RGSL1: variants seen among roughly 807,000 people sequenced by gnomAD.
RGSL1 encodes regulator of G protein signaling like 1.
In RGSL1, 97 loss-of-function variants were observed where a neutral mutation model predicts 124.7. That is an observed-to-expected ratio of 0.78 (90% CI 0.66 to 0.92). The LOEUF is 0.92. Among genes scored for constraint, RGSL1 ranks in the 40% least tolerant of loss-of-function variants. The pLI is 0.00. For missense variants in RGSL1, 1,233 were observed against 1,288.4 expected, an observed-to-expected ratio of 0.96 and a Z score of 0.66; for synonymous variants, 424 against 438.1, an observed-to-expected ratio of 0.97 and a Z score of 0.40.
intron 9 of RGSL1, among the ~76,000 whole-genome samples, chr1:182,511,651 T>C (rs910985814): frequency 3.3e-5 from 5 of 152,236 alleles, no homozygotes; most frequent in African/African-American, 4.8e-5. Context: ...TACTGTAGCT[T>C]TGTAGTAAAT....
At position 182,548,393 on chromosome 1, in the gene RGSL1, C is replaced by G; in HGVS notation, c.2746C>G (p.Arg916Gly). 6.4e-7 allele frequency: 1 copy of G among 1,551,806 alleles called. No individual in the cohort carries two copies. Among genetic ancestry groups the G allele is most frequent in the Non-Finnish European group, 8.7e-7 (1 of 1,146,988 alleles). Residue 916 changes from arginine (R) to glycine (G), a missense_variant, in exon 16 of 22, where the codon CGG (arginine) becomes GGG (glycine). Arg to Gly is a moderately radical substitution (Grantham distance 125, BLOSUM62 -2). Coordinates refer to ENST00000294854, the MANE Select transcript of RGSL1 (RefSeq NM_001137669.2). Reference sequence around the variant, plus strand: ...TAATGAGAATGATGTGATCCTAATGCGGTCCAAAATGAACATTATCCAAAA... The same window carrying G: ...TAATGAGAATGATGTGATCCTAATGGGGTCCAAAATGAACATTATCCAAAA... ...AYNENDVILM[R>G]SKMNIIQKLF...
intron 6 of RGSL1, among the ~76,000 whole-genome samples, chr1:182,480,800 T>A (rs1258461705): frequency 1.3e-5 from 2 of 151,562 alleles, no homozygotes; most frequent in Non-Finnish European, 2.9e-5. Flanking sequence ...AAACTAGAAA[T>A]CAAGAATAGA....
At chr1:182,502,702 T>C (rs1363652902) in intron 9 of RGSL1, among the ~76,000 whole-genome samples, 2 of 152,252 alleles carry the variant, frequency 1.3e-5, no homozygotes, top group Admixed American at 6.5e-5. Flanking sequence ...TTTTGAGCAG[T>C]GTTTTCACTG....
At chr1:182,472,233 A>C (rs1426174147) in intron 4 of RGSL1, among the ~76,000 whole-genome samples, 163 bp from the exon 5 acceptor site, 3 of 152,114 alleles carry the variant, frequency 2.0e-5, no homozygotes, top group African/African-American at 7.2e-5. Flanking sequence ...ATTCTCCCCC[A>C]CAGTAGAACT....
In RGSL1 at chr1:182,471,420, A is replaced by T. The variant is rs1358926305; in HGVS notation, c.302-976A>T. On this transcript the variant is annotated intron_variant, in intron 4 of 21. Transcript: ENST00000294854. Reference sequence around the variant, plus strand: ...TTGGGGTTGTTCCTGGGGCTTTTGCAAGTTCCTAATGGTTTTCAGATTGCC... The same window carrying T: ...TTGGGGTTGTTCCTGGGGCTTTTGCTAGTTCCTAATGGTTTTCAGATTGCC... 8.8e-6 allele frequency: 4 copies of T among 456,352 alleles called. 1 individual carries two copies. Among genetic ancestry groups the T allele is most frequent in the Non-Finnish European group, 1.8e-5 (4 of 226,342 alleles). 28.3% of individuals were successfully genotyped at this position (456,352 alleles called of 1,614,324 possible). A position where few individuals can be genotyped will look rare whatever the true frequency, so the allele number is the denominator to read the frequency against.
chr1:182,522,939 G>A lies in RGSL1; in HGVS notation c.1931+830G>A, dbSNP rs556828592. 5.8e-4 allele frequency among the ~76,000 whole-genome samples: 88 copies of A among 152,174 alleles called. 1 individual carries two copies. In the South Asian group the frequency reaches 0.015, roughly 25 times the overall value. On this transcript the variant is annotated intron_variant, in intron 10 of 21. Transcript: ENST00000294854. Reference sequence around the variant, plus strand: ...CTATATAAAAGGTCCTCTTCTAGATGTTGAGGATATAGTAGAACATATACA... The same window carrying A: ...CTATATAAAAGGTCCTCTTCTAGATATTGAGGATATAGTAGAACATATACA...
At chr1:182,541,020 C>T (rs777260386) in intron 15 of RGSL1, among the ~76,000 whole-genome samples, 1 of 152,092 alleles carries the variant, frequency 6.6e-6, no homozygotes. Flanking sequence ...TTTTCATATA[C>T]TCATATAATG....
At chr1:182,541,777 G>A (rs1329368580) in intron 15 of RGSL1, among the ~76,000 whole-genome samples, 1 of 152,104 alleles carries the variant, frequency 6.6e-6, no homozygotes, top group Non-Finnish European at 1.5e-5. Context: ...ACTTTAACTA[G>A]GGTAAGATGA....
chr1:182,513,206 G>A (rs668957), intron 9 of RGSL1, among the ~76,000 whole-genome samples: 89,628 of 152,020 alleles, frequency 0.59, 27,322 homozygotes, highest in Non-Finnish European at 0.67. Flanking sequence ...GAATATGGAC[G>A]ATGACCAACC....
chr1:182,484,208 C>T (rs1347244790), intron 6 of RGSL1, among the ~76,000 whole-genome samples: 1 of 152,060 alleles, frequency 6.6e-6, no homozygotes, highest in Non-Finnish European at 1.5e-5. Flanking sequence ...TGGGGTGCCT[C>T]AGCTCAGCCA....
At chr1:182,508,731 C>T (rs1166369570) in intron 9 of RGSL1, among the ~76,000 whole-genome samples, 1 of 128,202 alleles carries the variant, frequency 7.8e-6, no homozygotes, top group African/African-American at 3.0e-5. Flanking sequence ...GTGTTTCTCA[C>T]AGAGGGGGAT....
chr1:182,543,061 G>T (rs1659988627), intron 15 of RGSL1, among the ~76,000 whole-genome samples: 2 of 152,040 alleles, frequency 1.3e-5, no homozygotes. Flanking sequence ...TTGCCTAATT[G>T]TTCTGGCTAG....
chr1:182,505,463 G>A (rs898838722), intron 9 of RGSL1, among the ~76,000 whole-genome samples: 1 of 152,008 alleles, frequency 6.6e-6, no homozygotes, highest in Admixed American at 6.5e-5. Flanking sequence ...ACTTTCCCTA[G>A]TTGTCATAAA....
At chr1:182,459,665 C>T (rs148044966) in intron 3 of RGSL1, among the ~76,000 whole-genome samples, 75 of 152,316 alleles carry the variant, frequency 4.9e-4, no homozygotes, top group African/African-American at 1.7e-3. Context: ...TGATCTGACA[C>T]CACAGACCCA....
chr1:182,560,356 A>C lies in RGSL1; in HGVS notation c.*243A>C, dbSNP rs1558454554. The stretch of plus-strand genomic sequence containing the variant: ...AGCAGAAACAGCAAGAGTGACTGAG[A>C]CCTGCTGTCATCTATATAGAAGCCT... On this transcript the variant is annotated 3_prime_UTR_variant, in exon 22 of 22. Transcript: ENST00000294854. The C allele has an allele frequency of 1.3e-5, 2 of 152,218 alleles. No homozygotes were observed. The highest frequency in any genetic ancestry group is 4.8e-5 in the African/African-American group (2 of 41,450). The allele number at this position is 152,218 out of a possible 1,614,324, so 9.4% of individuals were successfully genotyped here.
chr1:182,516,170 T>C (rs941628648), intron 9 of RGSL1, among the ~76,000 whole-genome samples: 2 of 152,202 alleles, frequency 1.3e-5, no homozygotes, highest in Non-Finnish European at 2.9e-5. Flanking sequence ...GATATTCCTT[T>C]ACCCACAGGA....
chr1:182,506,106 A>T (rs1487825207), intron 9 of RGSL1, among the ~76,000 whole-genome samples: 1 of 152,076 alleles, frequency 6.6e-6, no homozygotes, highest in African/African-American at 2.4e-5. Context: ...AATATATAGG[A>T]CTGCTTAGAT....
intron 9 of RGSL1, among the ~76,000 whole-genome samples, chr1:182,521,711 A>G (rs1317510035): frequency 6.6e-6 from 1 of 152,336 alleles, no homozygotes; most frequent in African/African-American, 2.4e-5. Context: ...GAGGCCTGAC[A>G]TTTGACATTA....
At chr1:182,514,833 G>A (rs1237003752) in intron 9 of RGSL1, among the ~76,000 whole-genome samples, 1 of 152,222 alleles carries the variant, frequency 6.6e-6, no homozygotes, top group African/African-American at 2.4e-5. Flanking sequence ...ATAATTTGGT[G>A]AAACCTTTGT....
Sources: gnomAD v4.1 joint callset for allele counts (sites outside exome capture counted in the v4.1 genomes callset) on GRCh38, gnomAD v4.1.1 for gene constraint, MANE v1.5 for transcripts, NCBI Gene and HGNC (gene_info 2026-07-23, HGNC 2026-07-21) for gene names.